CC2D2A: variants seen among roughly 807,000 people sequenced by gnomAD.
The protein encoded by CC2D2A is coiled-coil and C2 domain-containing protein 2A.
A neutral mutation model predicts 212.9 loss-of-function variants in CC2D2A; 155 were observed. The observed-to-expected ratio is 0.73, with a 90% confidence interval of 0.64 to 0.83. The LOEUF (loss-of-function observed/expected upper bound fraction) is 0.83, where lower values mean the gene tolerates loss of function less well. Ranked by LOEUF, CC2D2A falls within the 40% of genes least tolerant of loss-of-function variation. CC2D2A has a pLI of 0.00. For missense variants in CC2D2A, 1,856 were observed against 1,956.2 expected, an observed-to-expected ratio of 0.95 and a Z score of 0.97; for synonymous variants, 667 against 686.5, an observed-to-expected ratio of 0.97 and a Z score of 0.44.
At chr4:15,598,935 G>T (rs1273897079) in intron 35 of CC2D2A, among the ~76,000 whole-genome samples, 1 of 152,070 alleles carries the variant, frequency 6.6e-6, no homozygotes, top group Non-Finnish European at 1.5e-5. Flanking sequence ...CAAGGCAGGC[G>T]GATCACTTGA....
chr4:15,540,818 G>A lies in CC2D2A; in HGVS notation c.2004-19G>A, dbSNP rs1410276756. 3 of 1,586,206 alleles carry A rather than the reference G, an allele frequency of 1.9e-6. No individual in the cohort carries two copies. The African/African-American group carries it at 4.0e-5, about 21-fold the overall frequency. ...GTAAATTATTACTAACTCCACCTGT[G>A]AATGGTCTCCTTTTGCAGAGCGGAG... On this transcript the variant is annotated intron_variant, in intron 16 of 36. Coordinates refer to ENST00000424120, the MANE Select transcript of CC2D2A (RefSeq NM_001378615.1).
intron 3 of CC2D2A, 52 bp from the exon 4 acceptor site, chr4:15,480,652 A>G: frequency 6.4e-7 from 1 of 1,570,088 alleles, no homozygotes; most frequent in Non-Finnish European, 8.6e-7. Flanking sequence ...AGAGAGGAAC[A>G]GACTCAAATA....
rs1715683623 is a variant in CC2D2A, at chr4:15,497,450, G to A, written c.248-4979G>A. 2.0e-5 allele frequency among the ~76,000 whole-genome samples: 3 copies of A among 152,174 alleles called. No homozygotes were observed. In the South Asian group the frequency reaches 6.2e-4, roughly 32 times the overall value. On this transcript the variant is annotated intron_variant, in intron 4 of 36. Coordinates refer to ENST00000424120, the MANE Select transcript of CC2D2A (RefSeq NM_001378615.1). ...GAAGTAAAAGGTAGTTCAGGCCTGTGTCCTTGTAACTCTTTTGTCCACCTC... is the reference window on the plus strand; with the variant it reads ...GAAGTAAAAGGTAGTTCAGGCCTGTATCCTTGTAACTCTTTTGTCCACCTC...
intron 16 of CC2D2A, among the ~76,000 whole-genome samples, chr4:15,539,784 T>A (rs1357757310): frequency 1.3e-5 from 2 of 152,206 alleles, no homozygotes; most frequent in African/African-American, 4.8e-5. Flanking sequence ...TGGTAATCTT[T>A]TATGAGTGGA....
intron 21 of CC2D2A, among the ~76,000 whole-genome samples, chr4:15,558,943 TACTATAC>T (rs370363875): frequency 3.9e-5 from 6 of 152,348 alleles, no homozygotes; most frequent in Admixed American, 1.3e-4. Flanking sequence ...AACTTGTAAC[TACTATAC>T]AGAATTCTCT....
At chr4:15,477,281 G>A (rs1714285526) in intron 2 of CC2D2A, among the ~76,000 whole-genome samples, 1 of 140,044 alleles carries the variant, frequency 7.1e-6, no homozygotes, top group Non-Finnish European at 1.5e-5. Context: ...CAGCCTGGGC[G>A]ACAGAATAAG....
intron 4 of CC2D2A, among the ~76,000 whole-genome samples, chr4:15,495,362 G>A (rs1308715558): frequency 6.6e-6 from 1 of 152,092 alleles, no homozygotes; most frequent in Admixed American, 6.6e-5. Context: ...TCTCACCTCG[G>A]CCTCTCAAAG....
Position 15,480,745 on chromosome 4 carries a change from C to G in CC2D2A, c.165C>G (p.Ser55=), listed in dbSNP as rs794727713. 6.2e-7 allele frequency: 1 copy of G among 1,612,474 alleles called. No homozygotes were observed. Among genetic ancestry groups the G allele is most frequent in the Non-Finnish European group, 8.5e-7 (1 of 1,179,348 alleles). The change falls in exon 4 of 37, where the codon TCC becomes TCG. Residue 55 remains serine (S), a synonymous_variant. Transcript: ENST00000424120. Reference sequence around the variant, plus strand: ...CCAAGGAAATGGTGTCCGAAAAATCCCACCTTGGCAACCCCCAGGAGCCTG... The same window carrying G: ...CCAAGGAAATGGTGTCCGAAAAATCGCACCTTGGCAACCCCCAGGAGCCTG... ...AVPKEMVSEK[S]HLGNPQEPVQ...
At chr4:15,559,615 C>T (rs1370432690) in intron 22 of CC2D2A, among the ~76,000 whole-genome samples, 1 of 152,008 alleles carries the variant, frequency 6.6e-6, no homozygotes, top group African/African-American at 2.4e-5. Flanking sequence ...TACTAACTGC[C>T]CTTATGCACT....
intron 11 of CC2D2A, among the ~76,000 whole-genome samples, chr4:15,521,769 A>T (rs1717216466): frequency 6.6e-6 from 1 of 152,264 alleles, no homozygotes; most frequent in Admixed American, 6.5e-5. Context: ...TGCTGCGTGT[A>T]TTAAAAGAAA....
chr4:15,521,404 CT>C (rs533475264), intron 11 of CC2D2A, among the ~76,000 whole-genome samples: 176 of 152,086 alleles, frequency 1.2e-3, no homozygotes, highest in African/African-American at 3.9e-3. Flanking sequence ...TTACTTTAAC[CT>C]TTTCCTTCAT....
chr4:15,589,730 A>G (rs1434986731), intron 33 of CC2D2A, 51 bp downstream of exon 33: 3 of 1,299,030 alleles, frequency 2.3e-6, no homozygotes, highest in African/African-American at 1.5e-5. Context: ...TTTCTTTTAA[A>G]TAACTGACCT....
Position 15,527,428 on chromosome 4 carries a change from A to G in CC2D2A, c.1150-19A>G. On this transcript the variant is annotated intron_variant, in intron 11 of 36. Coordinates refer to ENST00000424120, the MANE Select transcript of CC2D2A (RefSeq NM_001378615.1). The stretch of plus-strand genomic sequence containing the variant: ...AGTGCTTTAACTGTGTTCTGTCTAC[A>G]CTCTGCTTTCCTTGGCAGGCTGTAA... The G allele has an allele frequency of 6.3e-7, 1 of 1,593,034 alleles. No individual in the cohort carries two copies. Among genetic ancestry groups the G allele is most frequent in the Non-Finnish European group, 8.6e-7 (1 of 1,163,994 alleles).
chr4:15,507,764 G>GT (rs1716345388), intron 6 of CC2D2A, among the ~76,000 whole-genome samples: 1 of 152,208 alleles, frequency 6.6e-6, no homozygotes, highest in Non-Finnish European at 1.5e-5. Flanking sequence ...CTTGGAGAAC[G>GT]TAACAGTGGC....
Position 15,574,321 on chromosome 4 carries a change from G to GAA in CC2D2A, c.3769_3770dup (p.Phe1258SerfsTer23). On this transcript the variant is annotated frameshift_variant, in exon 29 of 37. Transcript: ENST00000424120. LOFTEE classifies it high-confidence loss of function. Reference sequence around the variant, plus strand: ...GCTGGTTCCTGGAGAGTCCATTCGAGAAAAGGTAACTACTTATAGTTTGGA... The same window carrying GAA: ...GCTGGTTCCTGGAGAGTCCATTCGAGAAAAAAGGTAACTACTTATAGTTTGGA... The GAA allele has an allele frequency of 1.9e-6, 3 of 1,546,906 alleles. No homozygotes were observed. Among genetic ancestry groups the GAA allele is most frequent in the Non-Finnish European group, 2.6e-6 (3 of 1,144,714 alleles).
chr4:15,525,459 T>A (rs964973438), intron 11 of CC2D2A, among the ~76,000 whole-genome samples: 5 of 152,140 alleles, frequency 3.3e-5, no homozygotes, highest in Admixed American at 3.3e-4. Flanking sequence ...AGTGGTCACA[T>A]GGAGATTAAA....
chr4:15,473,470 G>A (rs137912286), intron 1 of CC2D2A, among the ~76,000 whole-genome samples: 79 of 152,268 alleles, frequency 5.2e-4, no homozygotes, highest in African/African-American at 1.9e-3. Flanking sequence ...AGCAGGAACC[G>A]CAGCTACAAA....
chr4:15,590,836 A>G lies in CC2D2A; in HGVS notation c.4314+1157A>G, dbSNP rs1049830798. ...ACTGCAATCTCCACATCCTGCGTTCATGCGATTCTCCTACCTCAGCCTCCC... is the reference window on the plus strand; with the variant it reads ...ACTGCAATCTCCACATCCTGCGTTCGTGCGATTCTCCTACCTCAGCCTCCC... On this transcript the variant is annotated intron_variant, in intron 33 of 36. Coordinates refer to ENST00000424120, the MANE Select transcript of CC2D2A (RefSeq NM_001378615.1). 3.3e-5 allele frequency among the ~76,000 whole-genome samples: 5 copies of G among 152,248 alleles called. No homozygotes were observed. The East Asian group carries it at 9.7e-4, about 29-fold the overall frequency.
chr4:15,511,983 T>C (rs916353649), intron 8 of CC2D2A, among the ~76,000 whole-genome samples: 2 of 152,088 alleles, frequency 1.3e-5, no homozygotes, highest in Non-Finnish European at 2.9e-5. Flanking sequence ...TTAACACCAA[T>C]CATCATAAGG....
Sources: allele counts gnomAD v4.1 joint callset (sites outside exome capture counted in the v4.1 genomes callset), GRCh38; gene constraint gnomAD v4.1.1; transcripts MANE v1.5; gene names NCBI Gene and HGNC (gene_info 2026-07-23, HGNC 2026-07-21).